Variants in ABR observed in about 807,000 individuals in gnomAD.
ABR encodes the protein ABR activator of RhoGEF and GTPase.
ABR carries 35 observed loss-of-function variants against 107.2 expected under a neutral mutation model. The observed-to-expected ratio is 0.33, with a 90% confidence interval of 0.25 to 0.43. The LOEUF (loss-of-function observed/expected upper bound fraction) is 0.43, where lower values mean the gene tolerates loss of function less well. ABR is among the 20% of genes least tolerant of loss of function. ABR has a pLI of 1.00. For synonymous variants in ABR, 498 were observed against 462.0 expected, an observed-to-expected ratio of 1.08 and a Z score of -1.00; for missense variants, 815 against 1,115.2, an observed-to-expected ratio of 0.73 and a Z score of 3.83.
At chr17:1,135,897 T>C (rs558489209) in intron 1 of ABR, among the ~76,000 whole-genome samples, 3 of 152,052 alleles carry the variant, frequency 2.0e-5, no homozygotes, top group East Asian at 3.9e-4. Flanking sequence ...ACAAATAAAG[T>C]CAGGTAATGT....
Position 1,092,903 on chromosome 17 carries a change from T to TCACTGCAAGCC in ABR, c.346-1054_346-1053insGGCTTGCAGTG, listed in dbSNP as rs1331981551. Among the ~76,000 whole-genome samples, 29 of 144,890 alleles carry TCACTGCAAGCC rather than the reference T, an allele frequency of 2.0e-4. No individual in the cohort carries two copies. The highest frequency in any genetic ancestry group is 4.7e-4 in the Admixed American group (7 of 14,808). On this transcript the variant is annotated intron_variant, in intron 3 of 22. Transcript: ENST00000302538. The surrounding 1 kb of genome is among the most constrained non-coding windows in gnomAD (Gnocchi z 4.6). ...TGGAGTGCAGTGGTGCGATCTCGGC[T>TCACTGCAAGCC]CCGCCTCCCGGGTTCACGCCATTCT...
chr17:1,123,991 G>A (rs1347807660), intron 2 of ABR, among the ~76,000 whole-genome samples: 1 of 152,040 alleles, frequency 6.6e-6, no homozygotes, highest in Admixed American at 6.6e-5. Flanking sequence ...CCCCCCGCCA[G>A]CCCTTCCCAC....
rs1287616120 is a variant in ABR at position 1,133,149 on chromosome 17, G to A, written c.62-7782C>T. 3.3e-5 allele frequency among the ~76,000 whole-genome samples: 5 copies of A among 152,078 alleles called. No individual in the cohort carries two copies. The East Asian group carries it at 5.8e-4, about 18-fold the overall frequency. On this transcript the variant is annotated intron_variant, in intron 1 of 22. Transcript: ENST00000302538. The stretch of plus-strand genomic sequence containing the variant: ...CCAGCTACTTGGGAAGGCTGAGGCA[G>A]GATAATCGCTTGAACCTGGGAGGTG...
rs571416147 is a variant in ABR at position 1,096,216 on chromosome 17, C to T, written c.346-4366G>A. ...CCCACAAGCACCCCAGAGGCCAGGA[C>T]GGAGGCTTCTGTGTGGAGGCTCGTC... On this transcript the variant is annotated intron_variant, in intron 3 of 22. Transcript: ENST00000302538. 8.5e-5 allele frequency among the ~76,000 whole-genome samples: 13 copies of T among 152,288 alleles called. 1 individual carries two copies. Among genetic ancestry groups the T allele is most frequent in the African/African-American group, 2.2e-4 (9 of 41,554 alleles).
At chr17:1,036,885 G>C (rs1173545865) in intron 16 of ABR, among the ~76,000 whole-genome samples, 1 of 152,158 alleles carries the variant, frequency 6.6e-6, no homozygotes, top group Non-Finnish European at 1.5e-5. Flanking sequence ...GGATACCTCT[G>C]GGTATTTGCA....
intron 3 of ABR, among the ~76,000 whole-genome samples, chr17:1,100,126 TA>T (rs59004026): frequency 0.48 from 52,866 of 110,166 alleles, 12,184 homozygotes; most frequent in South Asian, 0.68. Context: ...AGCTCCGTCT[TA>T]AAAAAAAAAA....
chr17:1,179,620 G>T lies in ABR; in HGVS notation c.61+47C>A. The T allele has an allele frequency of 6.8e-7, 1 of 1,465,096 alleles. No homozygotes were observed. The allele number at this position is 1,465,096 out of a possible 1,614,324, so 90.8% of individuals were successfully genotyped here. A position where few individuals can be genotyped will look rare whatever the true frequency, so the allele number is the denominator to read the frequency against. The stretch of plus-strand genomic sequence containing the variant: ...CCTGGGGTCCCGATCTCCATCCTGG[G>T]GTCCCGATCCCGATCCTGGGGTCCC... On this transcript the variant is annotated intron_variant, in intron 1 of 22. Coordinates refer to ENST00000302538, the MANE Select transcript of ABR (RefSeq NM_021962.5). This position sits in a 1 kb window ranked among gnomAD's most constrained non-coding sequence, Gnocchi z 4.9.
At chr17:1,097,042 C>G (rs575604824) in intron 3 of ABR, among the ~76,000 whole-genome samples, 6 of 152,266 alleles carry the variant, frequency 3.9e-5, no homozygotes, top group Admixed American at 3.3e-4. Flanking sequence ...GAAGGGGGCC[C>G]CTGCCCCACA....
intron 10 of ABR, among the ~76,000 whole-genome samples, chr17:1,062,086 A>C: frequency 6.6e-6 from 1 of 152,200 alleles, no homozygotes; most frequent in East Asian, 1.9e-4. Flanking sequence ...GTGAGGCCTA[A>C]GCTGAACCTG....
At chr17:1,038,621 G>A (rs1056455112) in intron 16 of ABR, among the ~76,000 whole-genome samples, 4 of 152,204 alleles carry the variant, frequency 2.6e-5, no homozygotes, top group Non-Finnish European at 5.9e-5. Context: ...CTACACTGGG[G>A]CTTAGACCCT....
chr17:1,056,939 C>A (rs576929710), intron 13 of ABR, 59 bp downstream of exon 13: 1 of 1,228,206 alleles, frequency 8.1e-7, no homozygotes, highest in Admixed American at 1.7e-5. Context: ...TACGGGAAGC[C>A]GGCCACGCTC....
chr17:1,116,879 G>A (rs1453103864), intron 2 of ABR, among the ~76,000 whole-genome samples: 1 of 152,184 alleles, frequency 6.6e-6, no homozygotes, highest in Non-Finnish European at 1.5e-5. Flanking sequence ...AGAAATGCAG[G>A]GGCCGGCTGC....
upstream of ABR, among the ~76,000 whole-genome samples, chr17:1,181,481 G>A (rs2042132341): frequency 2.0e-5 from 3 of 152,160 alleles, no homozygotes; most frequent in Non-Finnish European, 4.4e-5. Context: ...TCCTGGCTCA[G>A]GCACCAGCGC....
chr17:1,132,684 C>A (rs2039900153), intron 1 of ABR, among the ~76,000 whole-genome samples: 1 of 152,028 alleles, frequency 6.6e-6, no homozygotes, highest in African/African-American at 2.4e-5. Flanking sequence ...GCCAATAAAG[C>A]ACTTTTACAA....
intron 2 of ABR, among the ~76,000 whole-genome samples, chr17:1,121,350 G>A (rs2151437944): frequency 6.6e-6 from 1 of 152,384 alleles, no homozygotes; most frequent in South Asian, 2.1e-4. Context: ...AGCAGATATT[G>A]ATCAGACTTG....
chr17:1,121,750 G>C (rs893026572), intron 2 of ABR, among the ~76,000 whole-genome samples: 1 of 151,682 alleles, frequency 6.6e-6, no homozygotes, highest in African/African-American at 2.4e-5. Flanking sequence ...AGTCCCCAAG[G>C]CAGGGCTCTG....
Position 1,179,689 on chromosome 17 carries a change from G to C in ABR, c.39C>G (p.Ser13=). The C allele has an allele frequency of 1.9e-6, 3 of 1,563,366 alleles. No homozygotes were observed. The highest frequency in any genetic ancestry group is 2.6e-6 in the Non-Finnish European group (3 of 1,155,530). The change falls in exon 1 of 23, where the codon TCC becomes TCG. Residue 13 remains serine (S), a synonymous_variant. Transcript: ENST00000302538. This position sits in a 1 kb window ranked among gnomAD's most constrained non-coding sequence, Gnocchi z 4.9. ...PLSHRGLPRL[S]WIDTLYSNFS... ...TACTGCTGTAGAGGGTGTCGATCCA[G>C]GACAGGCGCGGCAGGCCCCGGTGGC...
chr17:1,085,284 T>C lies in ABR; in HGVS notation c.532-1657A>G, dbSNP rs554217265. ...CCCGCCACCACGCCAGGCTAATTTT[T>C]TGTATTTTTTTTTAGTAGAGACGGG... On this transcript the variant is annotated intron_variant, in intron 4 of 22. Coordinates refer to ENST00000302538, the MANE Select transcript of ABR (RefSeq NM_021962.5). Among the ~76,000 whole-genome samples, 16 of 151,510 alleles carry C rather than the reference T, an allele frequency of 1.1e-4. No homozygotes were observed. The South Asian group carries it at 2.7e-3, about 26-fold the overall frequency.
At position 1,051,811 on chromosome 17, in the gene ABR, G is replaced by C. The variant is rs998200216; in HGVS notation, c.1562-1177C>G. Among the ~76,000 whole-genome samples the C allele has an allele frequency of 6.6e-6, 1 of 152,154 alleles. No individual in the cohort carries two copies. Among genetic ancestry groups the C allele is most frequent in the African/African-American group, 2.4e-5 (1 of 41,462 alleles). The stretch of plus-strand genomic sequence containing the variant: ...TTCCTGGCCGGGCAAGGTGGCTCAC[G>C]CCTGTAAATCCCAGCACTTTGGGAG... On this transcript the variant is annotated intron_variant, in intron 14 of 22. Coordinates refer to ENST00000302538, the MANE Select transcript of ABR (RefSeq NM_021962.5). This position sits in a 1 kb window ranked among gnomAD's most constrained non-coding sequence, Gnocchi z 4.3.
Sources: allele counts gnomAD v4.1 joint callset (sites outside exome capture counted in the v4.1 genomes callset), GRCh38; gene constraint gnomAD v4.1.1; non-coding constraint Gnocchi (gnomAD v3.1); transcripts MANE v1.5; gene names NCBI Gene and HGNC (gene_info 2026-07-23, HGNC 2026-07-21).